The following RBFOX1 variants were observed in gnomAD, a reference collection of about 807,000 sequenced individuals.
RBFOX1 encodes the protein RNA binding fox-1 homolog 1, also known as RNA binding protein fox-1 homolog 1.
A neutral mutation model predicts 57.7 loss-of-function variants in RBFOX1; 8 were observed. The observed-to-expected ratio is 0.14, with a 90% CI of 0.08 to 0.25. The LOEUF (loss-of-function observed/expected upper bound fraction) is 0.25. Ranked by LOEUF, RBFOX1 falls within the 10% of genes least tolerant of loss-of-function variation. RBFOX1 has a pLI of 1.00. For missense variants in RBFOX1, 611 were observed against 548.5 expected (o/e 1.11, Z -1.14); for synonymous variants, 326 against 222.4 (o/e 1.47, Z -4.15).
At chr16:5,425,017 CTTGA>C in intron 1 of RBFOX1, among the ~76,000 whole-genome samples, 1 of 102,462 alleles carries the variant, frequency 9.8e-6, no homozygotes, top group Non-Finnish European at 2.1e-5. Flanking sequence ...TCTTTTCTTT[CTTGA>C]TTCCTCCCTC....
intron 2 of RBFOX1, among the ~76,000 whole-genome samples, chr16:6,603,898 G>A (rs11649176): frequency 0.33 from 50,215 of 151,896 alleles, 8,593 homozygotes; most frequent in East Asian, 0.5. Flanking sequence ...CCCACACTTT[G>A]TGATGTGTCT....
At chr16:5,618,010 A>T in intron 3 of RBFOX1, among the ~76,000 whole-genome samples, 1 of 152,240 alleles carries the variant, frequency 6.6e-6, no homozygotes, top group Middle Eastern at 3.2e-3. Context: ...ACATTGAGGT[A>T]TAACTTACAT....
intron 3 of RBFOX1, among the ~76,000 whole-genome samples, chr16:6,804,409 A>G (rs914827491): frequency 6.6e-6 from 1 of 152,124 alleles, no homozygotes; most frequent in African/African-American, 2.4e-5. Flanking sequence ...GCCCTGCAGT[A>G]TTTCAGGTCA....
chr16:7,330,347 C>G (rs139959944), intron 4 of RBFOX1, among the ~76,000 whole-genome samples: 1 of 144,480 alleles, frequency 6.9e-6, no homozygotes, highest in Non-Finnish European at 1.5e-5. Flanking sequence ...GAAATAATGA[C>G]AAGAACAAAC....
At chr16:5,245,462 G>T (rs1287770434) in intron 1 of RBFOX1, among the ~76,000 whole-genome samples, 1 of 152,244 alleles carries the variant, frequency 6.6e-6, no homozygotes, top group Non-Finnish European at 1.5e-5. Context: ...CTGTGGAAAT[G>T]ACTGCGATTG....
Position 6,807,916 on chromosome 16 carries a change from A to G in RBFOX1, c.-16+153266A>G, listed in dbSNP as rs183890533. Reference sequence around the variant, plus strand: ...TATTATTGTGTGTGTGTGTGTGTGTATATATATATAGGGTATAATATGCAT... The same window carrying G: ...TATTATTGTGTGTGTGTGTGTGTGTGTATATATATAGGGTATAATATGCAT... On this transcript the variant is annotated intron_variant, in intron 3 of 15. Transcript: ENST00000550418. 8.8e-3 allele frequency among the ~76,000 whole-genome samples: 1,282 copies of G among 145,814 alleles called. 12 individuals are homozygous for G. The highest frequency in any genetic ancestry group is 0.014 in the Non-Finnish European group (946 of 65,950).
chr16:7,634,388 G>GTTT (rs57522849), intron 11 of RBFOX1, among the ~76,000 whole-genome samples: 175 of 141,922 alleles, frequency 1.2e-3, no homozygotes, highest in African/African-American at 3.3e-3. Flanking sequence ...TTTGATGTTT[G>GTTT]TTTTTTTTTT....
chr16:5,253,567 G>A (rs1220740868), intron 1 of RBFOX1, among the ~76,000 whole-genome samples: 1 of 152,322 alleles, frequency 6.6e-6, no homozygotes, highest in Non-Finnish European at 1.5e-5. Context: ...TTGTCTACAG[G>A]CAGGTTGAAC....
chr16:5,582,171 T>A (rs1181243287), intron 2 of RBFOX1, among the ~76,000 whole-genome samples: 2 of 152,012 alleles, frequency 1.3e-5, no homozygotes, highest in Non-Finnish European at 2.9e-5. Flanking sequence ...GCCCCGGGAG[T>A]ACCAGACCTC....
intron 4 of RBFOX1, among the ~76,000 whole-genome samples, chr16:7,111,666 C>A (rs564406615): frequency 6.6e-6 from 1 of 152,084 alleles, no homozygotes; most frequent in African/African-American, 2.4e-5. Flanking sequence ...TGGCTCATAC[C>A]TGTGCCTTGT....
intron 2 of RBFOX1, among the ~76,000 whole-genome samples, chr16:6,395,932 G>A (rs1404861223): frequency 6.6e-6 from 1 of 151,698 alleles, no homozygotes; most frequent in African/African-American, 2.4e-5. Flanking sequence ...TGGTCATGGT[G>A]GCGTGCACCT....
chr16:7,287,199 G>C (rs80182959), intron 4 of RBFOX1, among the ~76,000 whole-genome samples: 4,552 of 152,246 alleles, frequency 0.03, 130 homozygotes, highest in East Asian at 0.13. Context: ...TGCAGGTCTT[G>C]ATAATGTCTT....
rs58761346 is a variant in RBFOX1, at chr16:7,306,580, C to CGTGTGTGTGT, written c.28-211552_28-211543dup. On this transcript the variant is annotated intron_variant, in intron 4 of 15. Transcript: ENST00000550418. ...TATGACATAATGTGGGAATGGTGTG[C>CGTGTGTGTGT]GTGTGTGTGTGTGTGTGTGTGTGTA... Among the ~76,000 whole-genome samples, 775 of 149,032 alleles carry CGTGTGTGTGT rather than the reference C, an allele frequency of 5.2e-3. 3 individuals carry two copies. The highest frequency in any genetic ancestry group is 0.013 in the African/African-American group (513 of 40,652).
intron 1 of RBFOX1, among the ~76,000 whole-genome samples, chr16:5,405,353 G>C (rs555166578): frequency 1.3e-5 from 2 of 152,334 alleles, no homozygotes; most frequent in African/African-American, 4.8e-5. Context: ...CTGTTCTCAT[G>C]ATAGTAAGTC....
At chr16:7,119,155 A>G (rs759487752) in intron 4 of RBFOX1, among the ~76,000 whole-genome samples, 4 of 152,156 alleles carry the variant, frequency 2.6e-5, no homozygotes, top group South Asian at 2.1e-4. Flanking sequence ...AAGACCATGC[A>G]TTTGACTCAG....
chr16:5,695,063 GT>G (rs1338491107), intron 3 of RBFOX1, among the ~76,000 whole-genome samples: 4 of 151,978 alleles, frequency 2.6e-5, no homozygotes, highest in African/African-American at 9.7e-5. Flanking sequence ...AGTAATATAT[GT>G]TTTTATTGAT....
chr16:7,230,539 C>G (rs2093438085), intron 4 of RBFOX1, among the ~76,000 whole-genome samples: 1 of 152,138 alleles, frequency 6.6e-6, no homozygotes, highest in Admixed American at 6.5e-5. Context: ...CAGATTCAGC[C>G]TCCCCAGTCA....
intron 3 of RBFOX1, among the ~76,000 whole-genome samples, chr16:6,931,841 G>C (rs2076611912): frequency 6.6e-6 from 1 of 152,166 alleles, no homozygotes; most frequent in Admixed American, 6.5e-5. Flanking sequence ...GAAAGTCCAA[G>C]AGCATGGCAC....
At chr16:6,242,915 C>G (rs2097547737) in intron 1 of RBFOX1, among the ~76,000 whole-genome samples, 1 of 152,094 alleles carries the variant, frequency 6.6e-6, no homozygotes, top group Non-Finnish European at 1.5e-5. Context: ...TGTGTATACA[C>G]TTCAAAAGAT....
Sources: allele counts gnomAD v4.1 joint callset (sites outside exome capture counted in the v4.1 genomes callset), GRCh38; gene constraint gnomAD v4.1.1; transcripts MANE v1.5; gene names NCBI Gene and HGNC (gene_info 2026-07-23, HGNC 2026-07-21).